ACOX1: variants seen among roughly 807,000 people sequenced by gnomAD.
ACOX1 encodes the protein acyl-CoA oxidase 1, also known as peroxisomal acyl-coenzyme A oxidase 1.
Under a neutral mutation model 75.5 loss-of-function variants are expected in ACOX1, and 41 were observed. The ratio of observed to expected loss-of-function variants is 0.54; its 90% CI spans 0.42 to 0.70. The LOEUF (loss-of-function observed/expected upper bound fraction) is 0.70. ACOX1 is among the 30% of genes least tolerant of loss of function. ACOX1 has a pLI of 0.00. For synonymous variants in ACOX1, 303 were observed against 298.8 expected, an observed-to-expected ratio of 1.01 and a Z score of -0.15; for missense variants, 630 against 837.5, an observed-to-expected ratio of 0.75 and a Z score of 3.06.
intron 7 of ACOX1, 154 bp downstream of exon 7, chr17:75,953,296 AG>A: frequency 2.6e-6 from 2 of 772,964 alleles, no homozygotes; most frequent in Non-Finnish European, 4.3e-6. Context: ...TCTTAAGAAA[AG>A]GAAGCCTAGA....
Position 75,949,703 on chromosome 17 carries a change from T to C in ACOX1, c.1478+15A>G. On this transcript the variant is annotated intron_variant, in intron 10 of 13. Transcript: ENST00000293217. ...CCCCACTGCTGCGTATTCTAGCTCT[T>C]GAGGGAGAGCTCACCTGGCTGCACG... 6.2e-7 allele frequency: 1 copy of C among 1,614,070 alleles called. No homozygotes were observed.
intron 2 of ACOX1, among the ~76,000 whole-genome samples, chr17:75,965,220 C>T (rs573321227): frequency 6.6e-6 from 1 of 151,804 alleles, no homozygotes; most frequent in South Asian, 2.1e-4. Context: ...CGCCTGTAGT[C>T]CCAGCTACTC....
At chr17:75,958,635 C>T (rs556585004) in intron 3 of ACOX1, among the ~76,000 whole-genome samples, 6 of 151,668 alleles carry the variant, frequency 4.0e-5, no homozygotes, top group Admixed American at 1.3e-4. Flanking sequence ...GGCGAAACCC[C>T]GTCTCTACTA....
At chr17:75,956,969 CTCTATATATATA>C (rs1567878031) in intron 4 of ACOX1, among the ~76,000 whole-genome samples, 20 of 9,030 alleles carry the variant, frequency 2.2e-3, no homozygotes, top group Non-Finnish European at 2.8e-3. Context: ...CTCTCTCTCT[CTCTATATATATA>C]TATATATATA....
chr17:75,970,198 A>AAAAAAAAAAG (rs796156539), intron 2 of ACOX1, among the ~76,000 whole-genome samples: 3 of 151,378 alleles, frequency 2.0e-5, no homozygotes, highest in African/African-American at 4.9e-5. Context: ...AAAAAAAAAA[A>AAAAAAAAAAG]AAAGAGGAAG....
chr17:75,969,956 G>A (rs189513468), intron 2 of ACOX1, among the ~76,000 whole-genome samples: 1 of 152,072 alleles, frequency 6.6e-6, no homozygotes, highest in East Asian at 1.9e-4. Flanking sequence ...AGGCCGAGGT[G>A]GGCAGATCGC....
Position 75,949,448 on chromosome 17 carries a change from G to A in ACOX1, c.1584+47C>T, listed in dbSNP as rs8082018. ...CTAGGGTTTCTGTACCAGAAAATGCGGGATGCTGAGGGCAGGGAAGGGGAA... is the reference window on the plus strand; with the variant it reads ...CTAGGGTTTCTGTACCAGAAAATGCAGGATGCTGAGGGCAGGGAAGGGGAA... On this transcript the variant is annotated intron_variant, in intron 11 of 13. Coordinates refer to ENST00000293217, the MANE Select transcript of ACOX1 (RefSeq NM_004035.7). 22,980 of 1,609,664 alleles carry A rather than the reference G, an allele frequency of 0.014. 1,851 individuals carry two copies. The African/African-American group carries it at 0.21, about 15-fold the overall frequency.
At chr17:75,957,658 T>A in intron 3 of ACOX1, 92 bp from the exon 4 acceptor site, 1 of 940,296 alleles carries the variant, frequency 1.1e-6, no homozygotes, top group Non-Finnish European at 1.7e-6. Flanking sequence ...TAAACTCTCA[T>A]ATCTCAGAGA....
At position 75,951,525 on chromosome 17, in the gene ACOX1, GAA is replaced by G. The variant is rs1186893942; in HGVS notation, c.995_996del (p.Phe332SerfsTer24). On this transcript the variant is annotated frameshift_variant, in exon 8 of 14. Transcript: ENST00000293217. LOFTEE classifies it high-confidence loss of function. Reference protein sequence around the residue: ...LDFQTQQYKLFPLLATAYAFQ... With the variant: ...LDFQTQQYKLXPLLATAYAFQ... ...AAGGCATAGGCAGTGGCCAGGAGTG[GAA>G]AGAGTTTATACTGCTGGGTTTGAAA... The G allele has an allele frequency of 1.2e-6, 2 of 1,614,152 alleles. No homozygotes were observed.
chr17:75,951,932 A>G (rs2065778773), intron 7 of ACOX1, among the ~76,000 whole-genome samples: 1 of 147,126 alleles, frequency 6.8e-6, no homozygotes, highest in South Asian at 2.1e-4. Context: ...CTCTTGCCTC[A>G]GCCTCCCACA....
intron 7 of ACOX1, among the ~76,000 whole-genome samples, chr17:75,952,248 T>C (rs2065781270): frequency 6.6e-6 from 1 of 152,174 alleles, no homozygotes. Flanking sequence ...AGTGTAAGAA[T>C]TAGCAAGGGT....
At position 75,979,062 on chromosome 17, in the gene ACOX1, G is replaced by T. The variant is rs2066089767; in HGVS notation, c.12C>A (p.Asp4Glu). The T allele has an allele frequency of 6.2e-7, 1 of 1,611,930 alleles. No homozygotes were observed. The highest frequency in any genetic ancestry group is 1.3e-5 in the African/African-American group (1 of 75,058). The change falls in exon 1 of 14, where the codon GAC becomes GAA. Residue 4 changes from aspartate to glutamate, a missense_variant. This residue lies in a region of ACOX1 where 390 missense variants were observed against 574.9 expected (regional missense o/e 0.68). Transcript: ENST00000293217. MNP[D>E]LRRERDSASF... ...TGGCGGAATCCCGCTCCCTGCGCAG[G>T]TCCGGGTTCATGGCGACGACCAGCT...
Position 75,978,903 on chromosome 17 carries a change from C to A in ACOX1, c.109+62G>T, listed in dbSNP as rs1289450501. On this transcript the variant is annotated intron_variant, in intron 1 of 13. Coordinates refer to ENST00000293217, the MANE Select transcript of ACOX1 (RefSeq NM_004035.7). This position sits in a 1 kb window ranked among gnomAD's most constrained non-coding sequence, Gnocchi z 4.2. ...CTAGGCCCCACAGCGCCCCTGACTC[C>A]GCATCGAGGGAGTCTCCAGCTTTTC... 6.2e-7 allele frequency: 1 copy of A among 1,602,868 alleles called. No individual in the cohort carries two copies. Among genetic ancestry groups the A allele is most frequent in the Admixed American group, 1.7e-5 (1 of 59,880 alleles).
chr17:75,977,847 T>C (rs960217644), intron 2 of ACOX1, among the ~76,000 whole-genome samples: 2 of 151,364 alleles, frequency 1.3e-5, no homozygotes, highest in Non-Finnish European at 2.9e-5. Flanking sequence ...AAAAAAAAAA[T>C]GCTCCCAGAT....
At chr17:75,961,413 A>C (rs1200461558) in intron 2 of ACOX1, among the ~76,000 whole-genome samples, 1 of 138,496 alleles carries the variant, frequency 7.2e-6, no homozygotes, top group Non-Finnish European at 1.5e-5. Flanking sequence ...TGAGGTCAGG[A>C]GTTTGAGACC....
At chr17:75,963,077 GCCACGATGGCA>G (rs146076495) in intron 2 of ACOX1, among the ~76,000 whole-genome samples, 2,815 of 152,166 alleles carry the variant, frequency 0.018, 85 homozygotes, top group African/African-American at 0.065. Flanking sequence ...GTTGCAGTGA[GCCACGATGGCA>G]CCACTGCACT....
intron 2 of ACOX1, among the ~76,000 whole-genome samples, chr17:75,974,939 ACTCAGGAGG>A (rs2066031556): frequency 6.7e-6 from 1 of 150,052 alleles, no homozygotes; most frequent in Non-Finnish European, 1.5e-5. Flanking sequence ...AGTCCCAGCT[ACTCAGGAGG>A]CTGAGGCGGG....
At chr17:75,958,504 TA>T (rs1216758637) in intron 3 of ACOX1, among the ~76,000 whole-genome samples, 2 of 143,158 alleles carry the variant, frequency 1.4e-5, no homozygotes, top group Non-Finnish European at 3.1e-5. Flanking sequence ...CCGTCTCTAC[TA>T]AAAAAACAAC....
At chr17:75,966,848 A>G (rs1383498512) in intron 2 of ACOX1, among the ~76,000 whole-genome samples, 5 of 152,138 alleles carry the variant, frequency 3.3e-5, no homozygotes, top group Non-Finnish European at 5.9e-5. Context: ...TTAGAAGAAA[A>G]ACAAAGAAAG....
Sources: gnomAD v4.1 joint callset for allele counts (sites outside exome capture counted in the v4.1 genomes callset) on GRCh38, gnomAD v4.1.1 for gene constraint, gnomAD v4.1.1 regional missense constraint, Gnocchi (gnomAD v3.1) non-coding constraint, MANE v1.5 for transcripts, NCBI Gene and HGNC (gene_info 2026-07-23, HGNC 2026-07-21) for gene names.